The following XCR1 variants were observed in gnomAD, a reference collection of about 807,000 sequenced individuals.
XCR1 encodes chemokine XC receptor 1.
For missense variants in XCR1, 356 were observed against 424.2 expected (o/e 0.84, Z 1.41); for synonymous variants, 187 against 188.5 (o/e 0.99, Z 0.06).
chr3:46,046,767 G>A (rs1174079231), intron 5 of XCR1, among the ~76,000 whole-genome samples: 1 of 152,154 alleles, frequency 6.6e-6, no homozygotes, highest in Non-Finnish European at 1.5e-5. Context: ...AAGGGTTGAG[G>A]CTCTCCAGGC....
chr3:46,031,165 C>T (rs1708387471), upstream of XCR1, among the ~76,000 whole-genome samples: 1 of 152,250 alleles, frequency 6.6e-6, no homozygotes, highest in Admixed American at 6.5e-5. Context: ...ATGGCTGTGA[C>T]TTGGGCACCC....
chr3:46,066,221 G>T (rs182998816), intron 4 of XCR1, among the ~76,000 whole-genome samples: 19,027 of 133,916 alleles, frequency 0.14, 4,119 homozygotes, highest in African/African-American at 0.46. Context: ...TCCCTCCCTC[G>T]CTCTCTCTCT....
chr3:46,033,289 T>A (rs1327546393), intron 5 of XCR1, among the ~76,000 whole-genome samples: 1 of 152,216 alleles, frequency 6.6e-6, no homozygotes, highest in Non-Finnish European at 1.5e-5. Context: ...TTTTCTCCGG[T>A]GTTACTTGCT....
chr3:46,023,315 C>T, intron 1 of XCR1: 1 of 962,684 alleles, frequency 1.0e-6, no homozygotes. Flanking sequence ...ATGGAAGGAC[C>T]CCTCAACCTG....
intron 5 of XCR1, among the ~76,000 whole-genome samples, chr3:46,048,084 T>C (rs1255449851): frequency 6.6e-6 from 1 of 152,190 alleles, no homozygotes; most frequent in Non-Finnish European, 1.5e-5. Context: ...GTAAGACAGC[T>C]ATGGCTGAGT....
intron 4 of XCR1, among the ~76,000 whole-genome samples, chr3:46,065,917 G>A (rs62243871): frequency 0.069 from 10,560 of 152,228 alleles, 566 homozygotes; most frequent in East Asian, 0.24. Context: ...CAGGGCCTCC[G>A]GAAGAGGCCA....
intron 4 of XCR1, among the ~76,000 whole-genome samples, chr3:46,063,540 C>A (rs912794177): frequency 7.2e-5 from 11 of 152,030 alleles, no homozygotes; most frequent in African/African-American, 2.4e-4. Flanking sequence ...ACTGTGGGTG[C>A]AGCTCATACA....
chr3:46,083,852 A>G (rs1698422230), intron 1 of XCR1, among the ~76,000 whole-genome samples: 1 of 152,234 alleles, frequency 6.6e-6, no homozygotes. Context: ...CTGCTTGACT[A>G]CAGGTCTCTA....
chr3:46,029,212 T>C (rs1006034808), upstream of XCR1, among the ~76,000 whole-genome samples: 1 of 152,178 alleles, frequency 6.6e-6, no homozygotes, highest in Non-Finnish European at 1.5e-5. Flanking sequence ...ATTTTTTGTT[T>C]GTTTGTTTTG....
chr3:46,069,974 C>A (rs1698139405), intron 3 of XCR1, among the ~76,000 whole-genome samples: 1 of 151,024 alleles, frequency 6.6e-6, no homozygotes, highest in Admixed American at 6.6e-5. Context: ...TTTGTTGTAT[C>A]CCAGAGGTTT....
At chr3:46,038,748 AG>A (rs1362714277) in intron 5 of XCR1, among the ~76,000 whole-genome samples, 6 of 152,228 alleles carry the variant, frequency 3.9e-5, no homozygotes, top group African/African-American at 1.4e-4. Context: ...AAGCAGAAAT[AG>A]TATACTATTT....
intron 4 of XCR1, among the ~76,000 whole-genome samples, chr3:46,054,776 A>G (rs1575428318): frequency 6.6e-6 from 1 of 152,216 alleles, no homozygotes; most frequent in East Asian, 1.9e-4. Context: ...AACAATGTGT[A>G]AAAAAACAGG....
At position 46,018,051 on chromosome 3, in the gene XCR1, C is replaced by A. The variant is rs948483889; in HGVS notation, c.*2895G>T. On this transcript the variant is annotated 3_prime_UTR_variant, in exon 2 of 2. Transcript: ENST00000309285. ...CTTCCTATTCATACTTCTCTTTGTG[C>A]CTCTTCCCTTGGGTTCTTGAGGAGC... 2 of 152,198 alleles carry A rather than the reference C, an allele frequency of 1.3e-5. No individual in the cohort carries two copies. The highest frequency in any genetic ancestry group is 2.9e-5 in the Non-Finnish European group (2 of 68,072). The allele number at this position is 152,198 out of a possible 1,614,324, so 9.4% of individuals were successfully genotyped here.
At chr3:46,030,771 C>G (rs1708380978), upstream of XCR1, among the ~76,000 whole-genome samples, 1 of 152,220 alleles carries the variant, frequency 6.6e-6, no homozygotes, top group African/African-American at 2.4e-5. Context: ...CATCCCCATG[C>G]CCTGCATCCC....
At chr3:46,075,150 GACAGAC>G (rs1210426561) in intron 2 of XCR1, among the ~76,000 whole-genome samples, 1 of 151,694 alleles carries the variant, frequency 6.6e-6, no homozygotes, top group Non-Finnish European at 1.5e-5. Flanking sequence ...TTGGCAGAGG[GACAGAC>G]ACAAAGATTA....
rs571505743 is a variant in XCR1 at position 46,050,298 on chromosome 3, T to C, written c.-32+3622A>G. Among the ~76,000 whole-genome samples, 8 of 152,328 alleles carry C rather than the reference T, an allele frequency of 5.3e-5. No individual in the cohort carries two copies. The South Asian group carries it at 1.7e-3, about 32-fold the overall frequency. On this transcript the variant is annotated intron_variant, in intron 5 of 5. Transcript: ENST00000683768. Reference sequence around the variant, plus strand: ...TGGTAAAGATGTGTAAGTTGATAGGTAGCAGCAATACTTAACATCGGTCGT... The same window carrying C: ...TGGTAAAGATGTGTAAGTTGATAGGCAGCAGCAATACTTAACATCGGTCGT...
intron 3 of XCR1, among the ~76,000 whole-genome samples, chr3:46,074,522 C>T (rs1698225567): frequency 6.6e-6 from 1 of 151,710 alleles, no homozygotes; most frequent in African/African-American, 2.4e-5. Flanking sequence ...GTACAATGTA[C>T]ATTATTTGGG....
intron 1 of XCR1, among the ~76,000 whole-genome samples, chr3:46,078,561 C>T (rs985759989): frequency 6.6e-6 from 1 of 152,150 alleles, no homozygotes; most frequent in African/African-American, 2.4e-5. Flanking sequence ...CGTTTTTTCA[C>T]CTCTGCCTTG....
intron 1 of XCR1, among the ~76,000 whole-genome samples, chr3:46,084,765 G>A (rs952331229): frequency 1.3e-5 from 2 of 152,196 alleles, no homozygotes; most frequent in African/African-American, 2.4e-5. Context: ...ACATAAAGAC[G>A]GAAACCGTAG....
Sources: gnomAD v4.1 joint callset for allele counts (sites outside exome capture counted in the v4.1 genomes callset) on GRCh38, gnomAD v4.1.1 for gene constraint, MANE v1.5 for transcripts, NCBI Gene and HGNC (gene_info 2026-07-23, HGNC 2026-07-21) for gene names.